The following OR2T1 variants were observed in gnomAD, a reference collection of about 807,000 sequenced individuals.
The protein encoded by OR2T1 is olfactory receptor family 2 subfamily T member 1.
For synonymous variants in OR2T1, 186 were observed against 145.4 expected, an observed-to-expected ratio of 1.28 and a Z score of -2.01; for missense variants, 440 against 390.2, an observed-to-expected ratio of 1.13 and a Z score of -1.07.
In OR2T1 at chr1:248,406,580, G is replaced by C; in HGVS notation, c.433G>C (p.Ala145Pro). 1.9e-6 allele frequency: 3 copies of C among 1,614,118 alleles called. No individual in the cohort carries two copies. The highest frequency in any genetic ancestry group is 2.5e-6 in the Non-Finnish European group (3 of 1,180,004). ...MSRRVCWMII[A>P]GSWFGGSLDG... ...CCGCCGGGTCTGTTGGATGATTATA[G>C]CAGGTTCCTGGTTTGGGGGCTCTTT... Residue 145 changes from alanine (A) to proline (P), a missense_variant, in exon 2 of 2, where the codon GCA becomes CCA. Transcript: ENST00000642005.
Position 248,406,418 on chromosome 1 carries a change from A to T in OR2T1, c.271A>T (p.Ile91Phe). 6.2e-7 allele frequency: 1 copy of T among 1,613,910 alleles called. No individual in the cohort carries two copies. Among genetic ancestry groups the T allele is most frequent in the Non-Finnish European group, 8.5e-7 (1 of 1,179,864 alleles). ...LVNYLLDQRT[I>F]SFVGCTAQHF... ...TAATTACCTGCTGGATCAAAGGACC[A>T]TTTCCTTTGTGGGGTGCACAGCTCA... The change falls in exon 2 of 2, where the codon ATT becomes TTT. Residue 91 changes from isoleucine to phenylalanine, a missense_variant. By Grantham distance (21) the Ile-to-Phe change is conservative (BLOSUM62 0). Transcript: ENST00000642005.
rs1461574817 is a variant in OR2T1, at chr1:248,407,285, A to C, written c.*181A>C. 2 of 469,982 alleles carry C rather than the reference A, an allele frequency of 4.3e-6. No homozygotes were observed. The highest frequency in any genetic ancestry group is 7.3e-6 in the Non-Finnish European group (2 of 272,686). 29.1% of individuals were successfully genotyped at this position (469,982 alleles called of 1,614,324 possible). ...TGTTGTGGTTTTTTAGGCCTCAGAA[A>C]ACTGAATCTCTCTCTGTGATCTTCG... On this transcript the variant is annotated 3_prime_UTR_variant, in exon 2 of 2. Transcript: ENST00000642005.
Position 248,407,091 on chromosome 1 carries a change from G to A in OR2T1, c.944G>A (p.Gly315Glu). The change falls in exon 2 of 2, where the codon GGA becomes GAA. Residue 315 changes from glycine to glutamate, a missense_variant. Coordinates refer to ENST00000642005, the MANE Select transcript of OR2T1 (RefSeq NM_030904.2). ...TTCAAGGGTCCTCAAAGGGTGTCAG[G>A]AGGTGTCTTTTGACAGTCGACTCCT... ...GRFKGPQRVS[G>E]GVF The A allele has an allele frequency of 6.3e-7, 1 of 1,591,410 alleles. No homozygotes were observed. The highest frequency in any genetic ancestry group is 8.5e-7 in the Non-Finnish European group (1 of 1,169,724).
chr1:248,406,577 A>G lies in OR2T1; in HGVS notation c.430A>G (p.Ile144Val), dbSNP rs1661563012. ...LMSRRVCWMI[I>V]AGSWFGGSLD... ...GAGCCGCCGGGTCTGTTGGATGATTATAGCAGGTTCCTGGTTTGGGGGCTC... is the reference window on the plus strand; with the variant it reads ...GAGCCGCCGGGTCTGTTGGATGATTGTAGCAGGTTCCTGGTTTGGGGGCTC... Residue 144 changes from isoleucine (I) to valine (V), a missense_variant, in exon 2 of 2, where the codon ATA becomes GTA. Coordinates refer to ENST00000642005, the MANE Select transcript of OR2T1 (RefSeq NM_030904.2). 5.6e-6 allele frequency: 9 copies of G among 1,614,128 alleles called. No individual in the cohort carries two copies. In the East Asian group the frequency reaches 2.0e-4, roughly 36 times the overall value.
Position 248,407,129 on chromosome 1 carries a change from G to T in OR2T1, c.*25G>T. 6.5e-7 allele frequency: 1 copy of T among 1,535,106 alleles called. No individual in the cohort carries two copies. Among genetic ancestry groups the T allele is most frequent in the Non-Finnish European group, 8.8e-7 (1 of 1,142,516 alleles). On this transcript the variant is annotated 3_prime_UTR_variant, in exon 2 of 2. Transcript: ENST00000642005. ...ACAGTCGACTCCTTCCCATGCATAT[G>T]GTAAATGGGGGACTCTGTGGTCACT...
In OR2T1 at chr1:248,406,282, C is replaced by T; in HGVS notation, c.135C>T (p.Ile45=). 6.2e-7 allele frequency: 1 copy of T among 1,614,098 alleles called. No homozygotes were observed. Among genetic ancestry groups the T allele is most frequent in the East Asian group, 2.2e-5 (1 of 44,884 alleles). The change falls in exon 2 of 2, where the codon ATC becomes ATT. Residue 45 remains isoleucine (I), a synonymous_variant. Transcript: ENST00000642005. ...CACTGATGGCCAATGGGGTTATGATCTTCCTGATCCAAACAGATTTGCGCC... is the reference window on the plus strand; with the variant it reads ...CACTGATGGCCAATGGGGTTATGATTTTCCTGATCCAAACAGATTTGCGCC... ...FTALMANGVM[I]FLIQTDLRLH... is the part of the protein sequence containing the mutation.
At position 248,406,978 on chromosome 1, in the gene OR2T1, C is replaced by T. The variant is rs766999913; in HGVS notation, c.831C>T (p.Tyr277=). The T allele has an allele frequency of 3.7e-6, 6 of 1,614,046 alleles. No individual in the cohort carries two copies. In the East Asian group the frequency reaches 8.9e-5, roughly 24 times the overall value. The change falls in exon 2 of 2, where the codon TAC becomes TAT. Residue 277 remains tyrosine, a synonymous_variant. Coordinates refer to ENST00000642005, the MANE Select transcript of OR2T1 (RefSeq NM_030904.2). ...PAQDKVLSVF[Y]TILTPMLNPL... is the part of the protein sequence containing the mutation. ...AGGACAAAGTCCTCTCTGTGTTTTACACCATTCTCACACCCATGCTGAACC... is the reference window on the plus strand; with the variant it reads ...AGGACAAAGTCCTCTCTGTGTTTTATACCATTCTCACACCCATGCTGAACC...
intron 1 of OR2T1, 115 bp from the exon 2 acceptor site, chr1:248,406,000 G>T (rs771478960): frequency 5.6e-6 from 9 of 1,602,882 alleles, no homozygotes; most frequent in South Asian, 3.4e-5. Flanking sequence ...TCTCAATGTG[G>T]CAAGAATACT....
intron 1 of OR2T1, among the ~76,000 whole-genome samples, chr1:248,404,841 G>C (rs1235198041): frequency 6.6e-6 from 1 of 151,896 alleles, no homozygotes; most frequent in Non-Finnish European, 1.5e-5. Flanking sequence ...AATATATAAT[G>C]AATTGAGACT....
At chr1:248,405,856 A>T in intron 1 of OR2T1, 8 of 722,640 alleles carry the variant, frequency 1.1e-5, no homozygotes, top group Non-Finnish European at 1.8e-5. Context: ...AACCTTAGGC[A>T]TTGTTATGCA....
At chr1:248,403,873 AC>A (rs1261053060) in intron 1 of OR2T1, among the ~76,000 whole-genome samples, 4 of 152,106 alleles carry the variant, frequency 2.6e-5, no homozygotes, top group Non-Finnish European at 5.9e-5. Context: ...AATGGAGTAG[AC>A]TTTAGAATTT....
At position 248,406,724 on chromosome 1, in the gene OR2T1, C is replaced by G; in HGVS notation, c.577C>G (p.Leu193Val). The change falls in exon 2 of 2, where the codon CTC (leucine) becomes GTC (valine). Residue 193 changes from leucine (L) to valine (V), a missense_variant. Leu to Val is a conservative substitution (Grantham distance 32). Transcript: ENST00000642005. ...VLKLACADTALYETVMYVCCV... is the reference protein window; with the variant it reads ...VLKLACADTAVYETVMYVCCV... ...GAAGTTGGCATGTGCAGACACAGCC[C>G]TCTACGAGACAGTGATGTATGTGTG... is the stretch of plus-strand genomic sequence containing the variant. 6.2e-7 allele frequency: 1 copy of G among 1,614,100 alleles called. No homozygotes were observed. Among genetic ancestry groups the G allele is most frequent in the Non-Finnish European group, 8.5e-7 (1 of 1,179,998 alleles).
chr1:248,406,840 G>C lies in OR2T1; in HGVS notation c.693G>C (p.Glu231Asp). Reference protein sequence around the residue: ...LTTVQCMSSVEGRKKAFATCS... With the variant: ...LTTVQCMSSVDGRKKAFATCS... ...CAGTTCAGTGCATGAGCTCAGTGGAGGGCAGGAAGAAGGCATTTGCCACTT... is the reference window on the plus strand; with the variant it reads ...CAGTTCAGTGCATGAGCTCAGTGGACGGCAGGAAGAAGGCATTTGCCACTT... Residue 231 changes from glutamate to aspartate, a missense_variant, in exon 2 of 2, where the codon GAG becomes GAC. By Grantham distance (45) the Glu-to-Asp change is conservative. Transcript: ENST00000642005. 1 of 1,614,182 alleles carries C rather than the reference G, an allele frequency of 6.2e-7. No homozygotes were observed. Among genetic ancestry groups the C allele is most frequent in the South Asian group, 1.1e-5 (1 of 91,086 alleles).
chr1:248,404,228 GGT>G (rs1661502060), intron 1 of OR2T1, among the ~76,000 whole-genome samples: 1 of 24,878 alleles, frequency 4.0e-5, no homozygotes, highest in Non-Finnish European at 1.1e-4. Flanking sequence ...TGGGAGTAAG[GGT>G]GAACAGACAG....
rs140441913 is a variant in OR2T1 at position 248,406,658 on chromosome 1, C to T, written c.511C>T (p.Arg171Trp). Residue 171 changes from arginine (R) to tryptophan (W), a missense_variant, in exon 2 of 2, where the codon CGG becomes TGG. Coordinates refer to ENST00000642005, the MANE Select transcript of OR2T1 (RefSeq NM_030904.2). Reference protein sequence around the residue: ...ITMSFPFCNSREINHFFCEAP... With the variant: ...ITMSFPFCNSWEINHFFCEAP... ...CATGAGCTTTCCCTTCTGCAATTCCCGGGAGATTAACCACTTCTTCTGTGA... is the reference window on the plus strand; with the variant it reads ...CATGAGCTTTCCCTTCTGCAATTCCTGGGAGATTAACCACTTCTTCTGTGA... The T allele has an allele frequency of 2.6e-4, 425 of 1,614,082 alleles. 2 individuals are homozygous for T. In the African/African-American group the frequency reaches 5.0e-3, roughly 19 times the overall value.
chr1:248,407,666 A>C lies in OR2T1; in HGVS notation c.*562A>C, dbSNP rs1484840415. The C allele has an allele frequency of 6.6e-6, 1 of 152,394 alleles. No homozygotes were observed. The highest frequency in any genetic ancestry group is 1.9e-4 in the East Asian group (1 of 5,202). 9.4% of individuals were successfully genotyped at this position (152,394 alleles called of 1,614,324 possible). On this transcript the variant is annotated 3_prime_UTR_variant, in exon 2 of 2. Transcript: ENST00000642005. ...AAGGGCCAAAAGGAGAGGACAGAAA[A>C]CTTCTGGACAGCTAAACTCATGAAG...
chr1:248,406,398 A>G lies in OR2T1; in HGVS notation c.251A>G (p.Tyr84Cys), dbSNP rs768504270. ...STIVPKMLVNYLLDQRTISFV... is the reference protein window; with the variant it reads ...STIVPKMLVNCLLDQRTISFV... ...ATTGTGCCTAAGATGCTGGTTAATT[A>G]CCTGCTGGATCAAAGGACCATTTCC... Residue 84 changes from tyrosine to cysteine, a missense_variant, in exon 2 of 2, where the codon TAC becomes TGC. By Grantham distance (194) the Tyr-to-Cys change is radical. Coordinates refer to ENST00000642005, the MANE Select transcript of OR2T1 (RefSeq NM_030904.2). The G allele has an allele frequency of 1.2e-6, 2 of 1,613,964 alleles. No individual in the cohort carries two copies. The highest frequency in any genetic ancestry group is 1.7e-6 in the Non-Finnish European group (2 of 1,180,008).
chr1:248,405,846 A>G, intron 1 of OR2T1: 1 of 685,870 alleles, frequency 1.5e-6, no homozygotes, highest in East Asian at 2.7e-5. Context: ...CATGGTATGC[A>G]ACCTTAGGCA....
In OR2T1 at chr1:248,407,422, G is replaced by A. The variant is rs1346879185; in HGVS notation, c.*318G>A. On this transcript the variant is annotated 3_prime_UTR_variant, in exon 2 of 2. Transcript: ENST00000642005. ...CACAAAGAAATTATCTGACTACCTT[G>A]TCTGACTGTATGTCATAAGACCTCT... 1 of 319,194 alleles carries A rather than the reference G, an allele frequency of 3.1e-6. No individual in the cohort carries two copies. The highest frequency in any genetic ancestry group is 2.2e-5 in the African/African-American group (1 of 46,430). 19.8% of individuals were successfully genotyped at this position (319,194 alleles called of 1,614,324 possible).
Sources: allele counts gnomAD v4.1 joint callset (sites outside exome capture counted in the v4.1 genomes callset), GRCh38; gene constraint gnomAD v4.1.1; transcripts MANE v1.5; gene names NCBI Gene and HGNC (gene_info 2026-07-23, HGNC 2026-07-21).